Variants in CYTH1 observed in about 807,000 individuals in gnomAD.
CYTH1 encodes cytohesin 1.
CYTH1 carries 18 observed loss-of-function variants against 61.8 expected under a neutral mutation model. The observed-to-expected ratio is 0.29, with a 90% confidence interval of 0.20 to 0.43. CYTH1 has a LOEUF of 0.43. Ranked by LOEUF, CYTH1 falls within the 20% of genes least tolerant of loss-of-function variation. CYTH1 has a pLI of 1.00. For synonymous variants in CYTH1, 174 were observed against 184.3 expected, an observed-to-expected ratio of 0.94 and a Z score of 0.45; for missense variants, 336 against 510.5, an observed-to-expected ratio of 0.66 and a Z score of 3.29.
chr17:78,719,470 G>A (rs2093209872), intron 1 of CYTH1, among the ~76,000 whole-genome samples: 1 of 152,150 alleles, frequency 6.6e-6, no homozygotes, highest in Non-Finnish European at 1.5e-5. Context: ...AGTTCTTACA[G>A]ATCATTACTG....
At chr17:78,759,073 A>G (rs561376715) in intron 1 of CYTH1, among the ~76,000 whole-genome samples, 3 of 152,332 alleles carry the variant, frequency 2.0e-5, no homozygotes, top group African/African-American at 7.2e-5. Flanking sequence ...ACTGCACTCC[A>G]GCCTGGTCAA....
Position 78,749,000 on chromosome 17 carries a change from C to T in CYTH1, c.22+33202G>A, listed in dbSNP as rs187529545. On this transcript the variant is annotated intron_variant, in intron 1 of 13. Transcript: ENST00000446868. ...AACCATCACATGACAGAGGAGCTTG[C>T]GAGAAGGGCCCAACACACCCACATA... 1.1e-3 allele frequency among the ~76,000 whole-genome samples: 175 copies of T among 152,254 alleles called. 1 individual carries two copies. The highest frequency in any genetic ancestry group is 1.2e-3 in the East Asian group (6 of 5,186).
chr17:78,695,383 T>C (rs972639554), intron 10 of CYTH1, among the ~76,000 whole-genome samples: 2 of 152,174 alleles, frequency 1.3e-5, no homozygotes, highest in African/African-American at 4.8e-5. Flanking sequence ...TTGGACTTGT[T>C]TTTTTCACCT....
intron 11 of CYTH1, among the ~76,000 whole-genome samples, chr17:78,687,959 C>T (rs1318908904): frequency 1.3e-5 from 2 of 152,216 alleles, no homozygotes; most frequent in Non-Finnish European, 2.9e-5. Flanking sequence ...TCACAGAAGC[C>T]GTGTGTGCTC....
chr17:78,730,011 C>G (rs2093284665), intron 1 of CYTH1, among the ~76,000 whole-genome samples: 1 of 152,106 alleles, frequency 6.6e-6, no homozygotes, highest in Admixed American at 6.5e-5. Flanking sequence ...AGAAATGCCC[C>G]CAGCCACTTA....
At position 78,764,198 on chromosome 17, in the gene CYTH1, C is replaced by T. The variant is rs1598920745; in HGVS notation, c.22+18004G>A. Among the ~76,000 whole-genome samples the T allele has an allele frequency of 2.8e-5, 4 of 140,500 alleles. No individual in the cohort carries two copies. The Admixed American group carries it at 2.9e-4, about 10-fold the overall frequency. 92.2% of individuals were successfully genotyped at this position (140,500 alleles called of 152,430 possible). On this transcript the variant is annotated intron_variant, in intron 1 of 13. Transcript: ENST00000446868. ...TAAAATAATATTTCCATCTAAATGT[C>T]TTTTTTTTTTTTTTTTAAGACACAG...
At chr17:78,705,928 A>C (rs1010173950) in intron 3 of CYTH1, among the ~76,000 whole-genome samples, 21 of 152,196 alleles carry the variant, frequency 1.4e-4, no homozygotes, top group African/African-American at 5.1e-4. Context: ...AGAGAAAAAC[A>C]AAGGGCACAC....
intron 13 of CYTH1, chr17:78,676,466 T>G (rs2092700290): frequency 2.5e-6 from 1 of 400,010 alleles, no homozygotes; most frequent in South Asian, 3.0e-5. Flanking sequence ...CTTACAGCTA[T>G]ATTCCAATTC....
chr17:78,750,078 T>C (rs2093373948), intron 1 of CYTH1, among the ~76,000 whole-genome samples: 3 of 152,084 alleles, frequency 2.0e-5, no homozygotes, highest in Admixed American at 2.0e-4. Flanking sequence ...ACATGAGATA[T>C]GGGTGCACAG....
intron 1 of CYTH1, among the ~76,000 whole-genome samples, chr17:78,739,192 A>G (rs2093332587): frequency 6.6e-6 from 1 of 152,216 alleles, no homozygotes; most frequent in Admixed American, 6.5e-5. Context: ...AATGTTACAA[A>G]TATTTTGTCA....
At chr17:78,780,939 G>A (rs2093514607) in intron 1 of CYTH1, among the ~76,000 whole-genome samples, 1 of 152,090 alleles carries the variant, frequency 6.6e-6, no homozygotes, top group Non-Finnish European at 1.5e-5. Flanking sequence ...TCACCCAGGA[G>A]GCCGAGGTTG....
At chr17:78,693,552 T>C (rs997699441) in intron 10 of CYTH1, among the ~76,000 whole-genome samples, 22 of 146,484 alleles carry the variant, frequency 1.5e-4, no homozygotes, top group African/African-American at 5.6e-4. Context: ...AACTGGGAGG[T>C]GGAGGTTGCA....
chr17:78,779,281 T>TC (rs1316443950), intron 1 of CYTH1, among the ~76,000 whole-genome samples: 1 of 151,294 alleles, frequency 6.6e-6, no homozygotes, highest in Non-Finnish European at 1.5e-5. Context: ...ATGCCTGTAA[T>TC]CCCAGCTACT....
chr17:78,724,212 C>A (rs1035380467), intron 1 of CYTH1, among the ~76,000 whole-genome samples: 2 of 152,088 alleles, frequency 1.3e-5, no homozygotes, highest in Admixed American at 6.5e-5. Context: ...TCAGAGGGCA[C>A]GAGAATCACC....
chr17:78,751,605 T>C (rs950311289), intron 1 of CYTH1, among the ~76,000 whole-genome samples: 1 of 152,218 alleles, frequency 6.6e-6, no homozygotes, highest in Non-Finnish European at 1.5e-5. Flanking sequence ...AACTGCATTT[T>C]TCACTGCTCT....
At chr17:78,687,691 T>G (rs1380557952) in intron 11 of CYTH1, among the ~76,000 whole-genome samples, 2 of 152,230 alleles carry the variant, frequency 1.3e-5, no homozygotes, top group Non-Finnish European at 2.9e-5. Context: ...ATCACCCCTG[T>G]AATTCCAGTT....
chr17:78,773,753 T>C (rs1431274516), intron 1 of CYTH1, among the ~76,000 whole-genome samples: 20 of 152,290 alleles, frequency 1.3e-4, no homozygotes, highest in African/African-American at 4.1e-4. Context: ...AGATCTTTCA[T>C]CTTTAAAAGA....
At chr17:78,752,735 G>C (rs1017126976) in intron 1 of CYTH1, among the ~76,000 whole-genome samples, 8 of 152,114 alleles carry the variant, frequency 5.3e-5, no homozygotes, top group African/African-American at 2.4e-5. Context: ...GGCCAAGAGA[G>C]AGAACTTCAA....
chr17:78,676,253 C>T (rs2092697681), intron 13 of CYTH1, 84 bp from the exon 14 acceptor site: 6 of 1,384,662 alleles, frequency 4.3e-6, no homozygotes. Flanking sequence ...CTCAGGGGCC[C>T]CTCGTGCCCC....
Sources: allele counts gnomAD v4.1 joint callset (sites outside exome capture counted in the v4.1 genomes callset), GRCh38; gene constraint gnomAD v4.1.1; transcripts MANE v1.5; gene names NCBI Gene and HGNC (gene_info 2026-07-23, HGNC 2026-07-21).